SCRG1: variants seen among roughly 807,000 people sequenced by gnomAD.
SCRG1 encodes stimulator of chondrogenesis 1.
A neutral mutation model predicts 7.7 loss-of-function variants in SCRG1; 3 were observed. The observed-to-expected ratio is 0.39, with a 90% confidence interval of 0.18 to 1.01. SCRG1 has a LOEUF of 1.01. SCRG1 is among the 50% of genes least tolerant of loss of function. The pLI, the probability that SCRG1 is intolerant of heterozygous loss-of-function variation, is 0.36. For synonymous variants in SCRG1, 46 were observed against 41.2 expected, an observed-to-expected ratio of 1.12 and a Z score of -0.44; for missense variants, 110 against 117.2, an observed-to-expected ratio of 0.94 and a Z score of 0.28.
chr4:173,483,401 A>ATATATATTATATATTATATCATGATATAG, the SCRG1 span, among the ~76,000 whole-genome samples: 2 of 17,914 alleles, frequency 1.1e-4, 1 homozygote, highest in Non-Finnish European at 2.9e-4. Context: ...TTATATCATG[A>ATATATATTATATATTATATCATGATATAG]TATATATTAT....
the SCRG1 span, among the ~76,000 whole-genome samples, chr4:173,485,050 ATATATTATATAT>A: frequency 1.3e-4 from 1 of 7,616 alleles, no homozygotes; most frequent in Non-Finnish European, 2.8e-4. Flanking sequence ...ATATTATATA[ATATATTATATAT>A]TATATATTAT....
chr4:173,401,415 C>T (rs552463494), upstream of SCRG1, among the ~76,000 whole-genome samples: 88 of 152,218 alleles, frequency 5.8e-4, no homozygotes, highest in Non-Finnish European at 1.1e-3. Context: ...TCCTGTTTAC[C>T]TCAGGTAGAT....
chr4:173,479,148 T>A, the SCRG1 span, among the ~76,000 whole-genome samples: 1 of 152,166 alleles, frequency 6.6e-6, no homozygotes, highest in Non-Finnish European at 1.5e-5. Context: ...GAACTTGGCA[T>A]GTAATAGCCA....
the SCRG1 span, among the ~76,000 whole-genome samples, chr4:173,518,280 G>T: frequency 6.6e-6 from 1 of 152,166 alleles, no homozygotes; most frequent in African/African-American, 2.4e-5. Flanking sequence ...GGCCACTGCT[G>T]CTCCACGGGA....
At chr4:173,401,225 G>T (rs779226579), upstream of SCRG1, among the ~76,000 whole-genome samples, 1 of 152,176 alleles carries the variant, frequency 6.6e-6, no homozygotes, top group Non-Finnish European at 1.5e-5. Flanking sequence ...AGGTGTGTGC[G>T]CAATGGACTG....
At chr4:173,389,523 A>C (rs1426407475) in intron 2 of SCRG1, 1 of 189,074 alleles carries the variant, frequency 5.3e-6, no homozygotes, top group Admixed American at 5.3e-5. Context: ...GCAACAGAGC[A>C]AGATTCCGTC....
At chr4:173,493,570 A>T in the SCRG1 span, among the ~76,000 whole-genome samples, 1 of 150,530 alleles carries the variant, frequency 6.6e-6, no homozygotes, top group East Asian at 2.0e-4. Context: ...GTGAGCCAAG[A>T]TCGCGCCACT....
the SCRG1 span, among the ~76,000 whole-genome samples, chr4:173,484,741 T>TATATATTATATGCATATAATACATAA: frequency 1.1e-5 from 1 of 89,596 alleles, no homozygotes; most frequent in African/African-American, 5.0e-5. Flanking sequence ...ATAATACATA[T>TATATATTATATGCATATAATACATAA]TATATATTAT....
the SCRG1 span, among the ~76,000 whole-genome samples, chr4:173,448,146 T>TG: frequency 2.6e-4 from 39 of 152,268 alleles, 1 homozygote; most frequent in East Asian, 1.9e-4. Context: ...CCCATCAGGA[T>TG]GGGGGGTCAC....
chr4:173,493,206 G>T, the SCRG1 span, among the ~76,000 whole-genome samples: 1 of 152,084 alleles, frequency 6.6e-6, no homozygotes, highest in Non-Finnish European at 1.5e-5. Context: ...GAATCAGGGG[G>T]CAGACTTCCC....
the SCRG1 span, among the ~76,000 whole-genome samples, chr4:173,443,902 T>A: frequency 2.6e-5 from 4 of 151,758 alleles, no homozygotes; most frequent in African/African-American, 9.7e-5. Context: ...TCATATATAC[T>A]GTTAGCTTTA....
At chr4:173,456,213 A>T in the SCRG1 span, among the ~76,000 whole-genome samples, 3 of 152,242 alleles carry the variant, frequency 2.0e-5, no homozygotes, top group African/African-American at 7.2e-5. Context: ...CTGTGATTCT[A>T]TGTACACAGA....
At chr4:173,482,597 C>A in the SCRG1 span, among the ~76,000 whole-genome samples, 1 of 151,946 alleles carries the variant, frequency 6.6e-6, no homozygotes, top group Non-Finnish European at 1.5e-5. Flanking sequence ...GCTGGAGGAC[C>A]ACTTGAGGTG....
chr4:173,465,527 GT>G, the SCRG1 span, among the ~76,000 whole-genome samples: 1 of 152,070 alleles, frequency 6.6e-6, no homozygotes, highest in Non-Finnish European at 1.5e-5. Flanking sequence ...TGGGCAGGAT[GT>G]GAGGAAGTAA....
chr4:173,488,418 C>T, the SCRG1 span, among the ~76,000 whole-genome samples: 94 of 152,220 alleles, frequency 6.2e-4, no homozygotes, highest in African/African-American at 2.0e-3. Flanking sequence ...TTATGAATTA[C>T]AGGTAACCAT....
the SCRG1 span, among the ~76,000 whole-genome samples, chr4:173,494,954 AAAG>A: frequency 6.6e-5 from 10 of 152,338 alleles, no homozygotes; most frequent in East Asian, 1.7e-3. Flanking sequence ...GAGGAAAGAA[AAAG>A]AAGACAGGAG....
chr4:173,390,003 A>C, intron 2 of SCRG1: 1 of 244,342 alleles, frequency 4.1e-6, no homozygotes, highest in Admixed American at 4.5e-5. Context: ...CAAGAACTAA[A>C]AATATTTATG....
chr4:173,485,050 A>T, the SCRG1 span, among the ~76,000 whole-genome samples: 65 of 7,616 alleles, frequency 8.5e-3, 7 homozygotes, highest in East Asian at 0.029. Context: ...ATATTATATA[A>T]TATATTATAT....
the SCRG1 span, among the ~76,000 whole-genome samples, chr4:173,479,443 G>GTTTT: frequency 7.4e-6 from 1 of 135,248 alleles, no homozygotes; most frequent in Non-Finnish European, 1.6e-5. Context: ...TTGTTTTTTT[G>GTTTT]TTTTTTTTTT....
Sources: gnomAD v4.1 joint callset for allele counts (sites outside exome capture counted in the v4.1 genomes callset) on GRCh38, gnomAD v4.1.1 for gene constraint, MANE v1.5 for transcripts, NCBI Gene and HGNC (gene_info 2026-07-23, HGNC 2026-07-21) for gene names.